The following TSPEAR variants were observed in gnomAD, a reference collection of about 807,000 sequenced individuals.
The protein encoded by TSPEAR is thrombospondin type laminin G domain and EAR repeats, also known as thrombospondin-type laminin G domain and EAR repeat-containing protein.
Under a neutral mutation model 71.6 loss-of-function variants are expected in TSPEAR, and 69 were observed. That is an observed-to-expected ratio of 0.96 (90% CI 0.79 to 1.18). The LOEUF is 1.18. Among genes scored for constraint, TSPEAR ranks in the 50% most tolerant of loss-of-function variants. The probability of loss-of-function intolerance (pLI) is 0.00; values close to 1 mark genes in which losing one functional copy is unlikely to be tolerated. For synonymous variants in TSPEAR, 402 were observed against 387.2 expected, an observed-to-expected ratio of 1.04 and a Z score of -0.45; for missense variants, 971 against 894.9, an observed-to-expected ratio of 1.09 and a Z score of -1.09.
chr21:44,653,166 G>A (rs933882545), intron 1 of TSPEAR, among the ~76,000 whole-genome samples: 1 of 152,034 alleles, frequency 6.6e-6, no homozygotes, highest in Non-Finnish European at 1.5e-5. Flanking sequence ...CAAAAAAAAA[G>A]AAAGATAAAT....
At chr21:44,596,228 C>T (rs390632) in intron 1 of TSPEAR, among the ~76,000 whole-genome samples, 31,437 of 152,050 alleles carry the variant, frequency 0.21, 6,390 homozygotes, top group African/African-American at 0.53. Flanking sequence ...CAACGGGCAG[C>T]TCGCAATGTG....
At chr21:44,510,258 A>C (rs2052331018) in intron 9 of TSPEAR, among the ~76,000 whole-genome samples, 1 of 152,052 alleles carries the variant, frequency 6.6e-6, no homozygotes, top group Admixed American at 6.5e-5. Flanking sequence ...CAGGCCGGGG[A>C]TCCCTGCGCA....
intron 1 of TSPEAR, chr21:44,681,773 C>T (rs2838621): frequency 0.48 from 743,049 of 1,550,496 alleles, 179,443 homozygotes; most frequent in African/African-American, 0.59. Flanking sequence ...AGGACTCATC[C>T]AGGGAGTGTA....
chr21:44,586,674 T>C (rs1233984680), intron 1 of TSPEAR, among the ~76,000 whole-genome samples: 1 of 16,510 alleles, frequency 6.1e-5, no homozygotes, highest in Non-Finnish European at 2.5e-4. Context: ...TCTTTCTCTG[T>C]AGATTTGCCC....
At chr21:44,576,516 G>A (rs371017687) in intron 1 of TSPEAR, among the ~76,000 whole-genome samples, 8 of 150,088 alleles carry the variant, frequency 5.3e-5, no homozygotes, top group African/African-American at 1.9e-4. Context: ...GGTGGGTGAG[G>A]GGGCAAACCT....
chr21:44,588,935 G>C (rs2146116611), intron 1 of TSPEAR, among the ~76,000 whole-genome samples: 1 of 151,966 alleles, frequency 6.6e-6, no homozygotes, highest in South Asian at 2.1e-4. Flanking sequence ...TCACTCATAA[G>C]TGGAAGCTAA....
chr21:44,527,452 A>G lies in TSPEAR; in HGVS notation c.989T>C (p.Ile330Thr), dbSNP rs781850134. 5.6e-6 allele frequency: 9 copies of G among 1,614,098 alleles called. No homozygotes were observed. The highest frequency in any genetic ancestry group is 4.5e-5 in the East Asian group (2 of 44,898). Residue 330 changes from isoleucine (I) to threonine (T), a missense_variant, in exon 7 of 12, where the codon ATT (isoleucine) becomes ACT (threonine). Coordinates refer to ENST00000323084, the MANE Select transcript of TSPEAR (RefSeq NM_144991.3). Reference sequence around the variant, plus strand: ...CACCTGAGGGATGCGGAACACCTCAATGCCCAGGGTCTCTGAGTTGGTGGA... The same window carrying G: ...CACCTGAGGGATGCGGAACACCTCAGTGCCCAGGGTCTCTGAGTTGGTGGA... ...NLSTNSETLG[I>T]EVFRIPQVGL...
At chr21:44,661,828 C>T (rs1012244512) in intron 1 of TSPEAR, among the ~76,000 whole-genome samples, 2 of 152,110 alleles carry the variant, frequency 1.3e-5, no homozygotes, top group Middle Eastern at 3.2e-3. Context: ...AACTCACTCA[C>T]TGTCGCAAGG....
intron 6 of TSPEAR, among the ~76,000 whole-genome samples, chr21:44,527,966 G>T (rs11910616): frequency 0.043 from 6,613 of 152,086 alleles, 496 homozygotes; most frequent in African/African-American, 0.15. Context: ...TTTCAGGCTC[G>T]TCATCTCCTT....
chr21:44,641,542 G>A (rs1057160051), intron 1 of TSPEAR, among the ~76,000 whole-genome samples: 8 of 152,146 alleles, frequency 5.3e-5, no homozygotes, highest in Non-Finnish European at 8.8e-5. Flanking sequence ...GATCCTAACC[G>A]GGATCGCAGT....
At chr21:44,627,052 GGCCAGGAGGGGTATAAAA>G (rs1430573331) in intron 1 of TSPEAR, 12 of 1,469,746 alleles carry the variant, frequency 8.2e-6, no homozygotes, top group Non-Finnish European at 1.0e-5. Context: ...GGAACAACAA[GGCCAGGAGGGGTATAAAA>G]GCCTGAGAGC....
At chr21:44,639,407 A>C (rs1010029529) in intron 1 of TSPEAR, among the ~76,000 whole-genome samples, 22 of 152,314 alleles carry the variant, frequency 1.4e-4, no homozygotes, top group Middle Eastern at 6.8e-3. Flanking sequence ...GACCTCCCGG[A>C]GTCCCACCCC....
At position 44,498,374 on chromosome 21, in the gene TSPEAR, T is replaced by C. The variant is rs587609604; in HGVS notation, c.*1409A>G. 3 of 152,350 alleles carry C rather than the reference T, an allele frequency of 2.0e-5. No individual in the cohort carries two copies. The East Asian group carries it at 5.8e-4, about 29-fold the overall frequency. The allele number at this position is 152,350 out of a possible 1,614,324, so 9.4% of individuals were successfully genotyped here. On this transcript the variant is annotated 3_prime_UTR_variant, in exon 12 of 12. Transcript: ENST00000323084. ...GGTGGAAAGCAGGGCCCAACCCTCC[T>C]GCCCAGGACGCTTGGGAAAGCCTTG...
intron 3 of TSPEAR, among the ~76,000 whole-genome samples, chr21:44,531,425 G>A (rs889745940): frequency 2.6e-5 from 4 of 152,148 alleles, no homozygotes; most frequent in South Asian, 4.1e-4. Flanking sequence ...TCCAGTGTCC[G>A]ACTCTCCCAG....
At chr21:44,532,243 A>T (rs143414245) in intron 3 of TSPEAR, among the ~76,000 whole-genome samples, 69 of 152,388 alleles carry the variant, frequency 4.5e-4, no homozygotes, top group Middle Eastern at 3.4e-3. Flanking sequence ...CCTAATCATT[A>T]TGCTTTCGAC....
At position 44,680,802 on chromosome 21, in the gene TSPEAR, G is replaced by A. The variant is rs541779523; in HGVS notation, c.82+30631C>T. Among the ~76,000 whole-genome samples the A allele has an allele frequency of 2.0e-5, 3 of 152,376 alleles. No homozygotes were observed. In the East Asian group the frequency reaches 5.8e-4, roughly 29 times the overall value. ...TACATGTTCTCACTCACATGTGGGAGTTCACAAAGTTGATCTCATGGAAGT... is the reference window on the plus strand; with the variant it reads ...TACATGTTCTCACTCACATGTGGGAATTCACAAAGTTGATCTCATGGAAGT... On this transcript the variant is annotated intron_variant, in intron 1 of 11. Coordinates refer to ENST00000323084, the MANE Select transcript of TSPEAR (RefSeq NM_144991.3).
chr21:44,514,116 G>C (rs1166223399), intron 9 of TSPEAR, among the ~76,000 whole-genome samples: 1 of 152,160 alleles, frequency 6.6e-6, no homozygotes, highest in African/African-American at 2.4e-5. Context: ...CACCTTCCTG[G>C]AGCCCTCCCG....
chr21:44,637,805 T>G (rs1983731328), intron 1 of TSPEAR: 1 of 1,368,300 alleles, frequency 7.3e-7, no homozygotes, highest in African/African-American at 1.6e-5. Context: ...CTGCCAGCAG[T>G]CTAGCTGCCA....
intron 1 of TSPEAR, among the ~76,000 whole-genome samples, chr21:44,594,899 C>T (rs370392145): frequency 3.3e-5 from 5 of 150,646 alleles, no homozygotes; most frequent in South Asian, 4.2e-4. Flanking sequence ...CTCAGCTCAC[C>T]GCAGCCTCCA....
Sources: gnomAD v4.1 joint callset for allele counts (sites outside exome capture counted in the v4.1 genomes callset) on GRCh38, gnomAD v4.1.1 for gene constraint, MANE v1.5 for transcripts, NCBI Gene and HGNC (gene_info 2026-07-23, HGNC 2026-07-21) for gene names.